The following MTCL1 variants were observed in gnomAD, a reference collection of about 807,000 sequenced individuals.
MTCL1 encodes the protein microtubule cross-linking factor 1.
In MTCL1, 79 loss-of-function variants were observed where a neutral mutation model predicts 141.4. The observed-to-expected ratio is 0.56, with a 90% CI of 0.47 to 0.67. The LOEUF is 0.67. Among genes scored for constraint, MTCL1 ranks in the 30% least tolerant of loss-of-function variants. The pLI is 0.00. For missense variants in MTCL1, 2,177 were observed against 2,113.9 expected, an observed-to-expected ratio of 1.03 and a Z score of -0.59; for synonymous variants, 914 against 875.8, an observed-to-expected ratio of 1.04 and a Z score of -0.77.
At chr18:8,809,947 G>A (rs1218146099) in intron 11 of MTCL1, 2 of 172,406 alleles carry the variant, frequency 1.2e-5, no homozygotes, top group Non-Finnish European at 2.4e-5. Context: ...ACTCATAGAA[G>A]GAACCAAAAT....
chr18:8,789,120 G>C (rs2075628595), intron 7 of MTCL1, among the ~76,000 whole-genome samples: 1 of 152,164 alleles, frequency 6.6e-6, no homozygotes, highest in Non-Finnish European at 1.5e-5. Flanking sequence ...TGAGTTTCTG[G>C]GTCAGAAATC....
chr18:8,717,806 G>A, intron 1 of MTCL1: 1 of 728,968 alleles, frequency 1.4e-6, no homozygotes, highest in East Asian at 1.3e-4. Context: ...CCTGTGGACA[G>A]CAAAGAGTGG....
chr18:8,706,276 A>T, exon 1 of MTCL1: 2 of 1,229,008 alleles, frequency 1.6e-6, no homozygotes. Context: ...CATCAGCCAC[A>T]CGGACAGCAG....
intron 4 of MTCL1, among the ~76,000 whole-genome samples, chr18:8,762,466 C>T (rs2096437275): frequency 6.6e-6 from 1 of 152,256 alleles, no homozygotes; most frequent in African/African-American, 2.4e-5. Flanking sequence ...AGGAGAGCAA[C>T]CCTTGGGGGA....
At position 8,792,502 on chromosome 18, in the gene MTCL1, C is replaced by T. The variant is rs553187861; in HGVS notation, c.1888-496C>T. On this transcript the variant is annotated intron_variant, in intron 7 of 16. Coordinates refer to ENST00000359865, the Ensembl canonical transcript of MTCL1. Reference sequence around the variant, plus strand: ...GTGTCAGACCACCTTGATAAAGACACCCTCGGTTGAGAAGGAAAAACTCTA... The same window carrying T: ...GTGTCAGACCACCTTGATAAAGACATCCTCGGTTGAGAAGGAAAAACTCTA... Among the ~76,000 whole-genome samples the T allele has an allele frequency of 3.4e-5, 5 of 148,532 alleles. 1 individual carries two copies. Among genetic ancestry groups the T allele is most frequent in the Admixed American group, 3.4e-4 (5 of 14,914 alleles).
At chr18:8,732,199 C>G (rs1056585142) in intron 4 of MTCL1, among the ~76,000 whole-genome samples, 1 of 152,118 alleles carries the variant, frequency 6.6e-6, no homozygotes, top group Non-Finnish European at 1.5e-5. Context: ...ATCTTCCTGC[C>G]TCACCCTCCC....
chr18:8,797,962 T>A (rs1598715794), intron 9 of MTCL1, 135 bp from the exon 9 acceptor site: 21 of 815,558 alleles, frequency 2.6e-5, no homozygotes, highest in Non-Finnish European at 3.8e-5. Flanking sequence ...AAAATGAGCA[T>A]TTTAGGGGTA....
intron 4 of MTCL1, among the ~76,000 whole-genome samples, chr18:8,752,324 T>A (rs560833392): frequency 6.6e-6 from 1 of 152,386 alleles, no homozygotes; most frequent in Non-Finnish European, 1.5e-5. Context: ...TTGAAAAATT[T>A]GTTAAAGTTT....
intron 16 of MTCL1, 46 bp from the exon 15 acceptor site, chr18:8,831,561 A>G: frequency 6.5e-7 from 1 of 1,539,396 alleles, no homozygotes; most frequent in South Asian, 1.2e-5. Context: ...TCCACTGGTG[A>G]CACTGCCGGT....
At chr18:8,829,401 A>T in intron 16 of MTCL1, 1 of 985,136 alleles carries the variant, frequency 1.0e-6, no homozygotes, top group Non-Finnish European at 1.2e-6. Context: ...CTAATGTGAT[A>T]AGGCTTTTGT....
intron 7 of MTCL1, chr18:8,786,452 C>A: frequency 2.2e-6 from 1 of 456,366 alleles, no homozygotes; most frequent in Non-Finnish European, 4.3e-6. Flanking sequence ...GGCTTCCCTG[C>A]TCTGGAGGAA....
At chr18:8,736,408 C>G (rs2148889376) in intron 4 of MTCL1, among the ~76,000 whole-genome samples, 1 of 152,248 alleles carries the variant, frequency 6.6e-6, no homozygotes, top group East Asian at 1.9e-4. Context: ...GCCTCGCCTG[C>G]CTTAAACATA....
Position 8,705,824 on chromosome 18 carries a change from G to C in MTCL1, c.164G>C (p.Arg55Pro), listed in dbSNP as rs2096056942. 1 of 1,181,380 alleles carries C rather than the reference G, an allele frequency of 8.5e-7. No individual in the cohort carries two copies. Among genetic ancestry groups the C allele is most frequent in the Middle Eastern group, 3.2e-4 (1 of 3,100 alleles). 73.2% of individuals were successfully genotyped at this position (1,181,380 alleles called of 1,614,324 possible). ...CCCTTCCTCAAGGACCTGCACGCCC[G>C]GCCCGCCGCGCCCGGCCCGGCCGTC... Residue 55 changes from arginine (R) to proline (P), a missense_variant, in exon 1 of 14, where the codon CGG becomes CCG. Transcript: ENST00000306329. This position sits in a 1 kb window ranked among gnomAD's most constrained non-coding sequence, Gnocchi z 5.2.
upstream of MTCL1, among the ~76,000 whole-genome samples, chr18:8,714,160 T>C (rs1041330110): frequency 1.3e-5 from 2 of 152,190 alleles, no homozygotes; most frequent in Non-Finnish European, 1.5e-5. Context: ...TAATTTATGG[T>C]ATTTACTCGA....
chr18:8,710,147 T>A (rs539229351), intron 1 of MTCL1, among the ~76,000 whole-genome samples: 23 of 152,232 alleles, frequency 1.5e-4, no homozygotes, highest in African/African-American at 5.5e-4. Context: ...GCCTGGCCTG[T>A]ATTTTTTTAA....
chr18:8,815,364 G>T (rs1455555684), intron 12 of MTCL1, among the ~76,000 whole-genome samples: 3 of 151,922 alleles, frequency 2.0e-5, no homozygotes, highest in South Asian at 4.2e-4. Flanking sequence ...CAGTACTGTC[G>T]CAAGGACAAA....
At chr18:8,706,110 C>T in exon 1 of MTCL1, 1 of 1,210,372 alleles carries the variant, frequency 8.3e-7, no homozygotes, top group East Asian at 3.4e-5. Context: ...CTCCCGGAGC[C>T]GAGCCGCCGT....
exon 6 of MTCL1, chr18:8,784,695 C>T (rs1356461041): frequency 3.1e-6 from 5 of 1,614,234 alleles, no homozygotes; most frequent in Non-Finnish European, 4.2e-6. Context: ...GAGCTGCAGG[C>T]CTTCCTGGAG....
upstream of MTCL1, among the ~76,000 whole-genome samples, chr18:8,716,926 T>A (rs1287288325): frequency 2.6e-5 from 4 of 152,194 alleles, no homozygotes. Context: ...AACCCTTCAG[T>A]AGAGTGAATA....
Sources: gnomAD v4.1 joint callset for allele counts (sites outside exome capture counted in the v4.1 genomes callset) on GRCh38, gnomAD v4.1.1 for gene constraint, Gnocchi (gnomAD v3.1) non-coding constraint, MANE v1.5 for transcripts, NCBI Gene and HGNC (gene_info 2026-07-23, HGNC 2026-07-21) for gene names.